The following AP1B1 variants were observed in gnomAD, a reference collection of about 807,000 sequenced individuals.
AP1B1 encodes the protein adaptor related protein complex 1 subunit beta 1.
Under a neutral mutation model 104.3 loss-of-function variants are expected in AP1B1, and 36 were observed. The ratio of observed to expected loss-of-function variants is 0.35; its 90% CI spans 0.26 to 0.46. The LOEUF (loss-of-function observed/expected upper bound fraction) is 0.46, where lower values mean the gene tolerates loss of function less well. AP1B1 is among the 20% of genes least tolerant of loss of function. The pLI is 1.00. For missense variants in AP1B1, 901 were observed against 1,247.9 expected (o/e 0.72, Z 4.19); for synonymous variants, 504 against 517.5 (o/e 0.97, Z 0.35).
intron 1 of AP1B1, among the ~76,000 whole-genome samples, chr22:29,372,028 CTCTTAA>C (rs930971063): frequency 2.0e-5 from 3 of 152,182 alleles, no homozygotes; most frequent in Non-Finnish European, 2.9e-5. Flanking sequence ...TGGCTGTCCT[CTCTTAA>C]TCTTAATATT....
rs565181511 is a variant in AP1B1, at chr22:29,349,411, G to A, written c.1272-28C>T. The A allele has an allele frequency of 1.6e-4, 250 of 1,610,150 alleles. 7 individuals are homozygous for A. The South Asian group carries it at 2.6e-3, about 16-fold the overall frequency. On this transcript the variant is annotated intron_variant, in intron 10 of 22. Coordinates refer to ENST00000357586, the MANE Select transcript of AP1B1 (RefSeq NM_001127.4). ...GGGAGACCAGGGCACAGTTGGTATG[G>A]GAGCCCTCAAGGAGAACGGGAAACC...
chr22:29,355,003 AGGTG>A (rs1373261772), intron 6 of AP1B1, 132 bp from the exon 7 acceptor site: 6 of 728,952 alleles, frequency 8.2e-6, no homozygotes, highest in Non-Finnish European at 1.3e-5. Flanking sequence ...TGGGAGGCCG[AGGTG>A]GGTGGATCAC....
intron 1 of AP1B1, among the ~76,000 whole-genome samples, chr22:29,387,164 AAGGT>A (rs1452288508): frequency 6.6e-6 from 1 of 152,212 alleles, no homozygotes; most frequent in Non-Finnish European, 1.5e-5. Flanking sequence ...CTTGCCCTGA[AAGGT>A]ATCACTAATA....
At chr22:29,350,364 G>A (rs896765410) in intron 9 of AP1B1, among the ~76,000 whole-genome samples, 2 of 152,196 alleles carry the variant, frequency 1.3e-5, no homozygotes, top group African/African-American at 4.8e-5. Context: ...ATGAGACTGA[G>A]GAGAAGCCAG....
chr22:29,380,024 C>A (rs952468396), intron 1 of AP1B1, among the ~76,000 whole-genome samples: 1 of 152,154 alleles, frequency 6.6e-6, no homozygotes, highest in Non-Finnish European at 1.5e-5. Context: ...AAGGAGCAGA[C>A]GAGGCTAGGG....
At chr22:29,387,854 C>G (rs1350349743) in intron 1 of AP1B1, among the ~76,000 whole-genome samples, 2 of 152,156 alleles carry the variant, frequency 1.3e-5, no homozygotes, top group Non-Finnish European at 2.9e-5. Context: ...GCACAGTGCC[C>G]GGTACACAGA....
chr22:29,338,935 G>A (rs1354824104), intron 16 of AP1B1, 55 bp downstream of exon 16: 8 of 1,605,026 alleles, frequency 5.0e-6, no homozygotes, highest in Non-Finnish European at 6.8e-6. Flanking sequence ...GAGCCCACAT[G>A]CCAGTCTCCA....
At chr22:29,347,052 G>A (rs1384562307) in intron 11 of AP1B1, among the ~76,000 whole-genome samples, 2 of 152,162 alleles carry the variant, frequency 1.3e-5, no homozygotes, top group Non-Finnish European at 2.9e-5. Flanking sequence ...GAGGGGAGGG[G>A]AAAAACTCTT....
intron 14 of AP1B1, 73 bp downstream of exon 14, chr22:29,340,583 C>A: frequency 7.0e-7 from 1 of 1,430,086 alleles, no homozygotes; most frequent in South Asian, 1.4e-5. Flanking sequence ...TGGTGCCTGG[C>A]ATGGAGGGGC....
At chr22:29,377,734 C>T (rs2062368502) in intron 1 of AP1B1, among the ~76,000 whole-genome samples, 1 of 151,380 alleles carries the variant, frequency 6.6e-6, no homozygotes, top group Admixed American at 6.6e-5. Context: ...TCGCTTGAAC[C>T]TGGGAGGCGG....
Position 29,339,792 on chromosome 22 carries a change from C to G in AP1B1, c.1999-18G>C. 6.2e-7 allele frequency: 1 copy of G among 1,605,084 alleles called. No individual in the cohort carries two copies. The highest frequency in any genetic ancestry group is 8.5e-7 in the Non-Finnish European group (1 of 1,176,070). On this transcript the variant is annotated intron_variant, in intron 14 of 22. Transcript: ENST00000357586. ...TCCCCCATCTCCAAGCAGAAGCAGG[C>G]AGGTGAAGAGAACAGGCAGCCACAT...
At chr22:29,356,367 G>A in intron 6 of AP1B1, 59 bp downstream of exon 6, 1 of 1,528,068 alleles carries the variant, frequency 6.5e-7, no homozygotes, top group Non-Finnish European at 8.8e-7. Context: ...TGCCTGGTTG[G>A]AGCCCCTGAG....
intron 10 of AP1B1, among the ~76,000 whole-genome samples, 164 bp from the exon 11 acceptor site, chr22:29,349,547 TCTGTTGC>T (rs2061842108): frequency 6.6e-6 from 1 of 151,350 alleles, no homozygotes; most frequent in Non-Finnish European, 1.5e-5. Context: ...GGAGTTTCAC[TCTGTTGC>T]CCAGGCTGGT....
In AP1B1 at chr22:29,388,439, G is replaced by C. The variant is rs1267423259; in HGVS notation, c.-43C>G. On this transcript the variant is annotated 5_prime_UTR_variant, in exon 1 of 23. Transcript: ENST00000357586. ...GCTTCCTCACCCGCAGGTCCCAATA[G>C]CTCCCGGCGCCCCGGCTCGGTTCGG... 6.6e-6 allele frequency: 1 copy of C among 152,374 alleles called. No individual in the cohort carries two copies. 9.4% of individuals were successfully genotyped at this position (152,374 alleles called of 1,614,324 possible).
At chr22:29,331,941 G>C in intron 17 of AP1B1, 25 bp from the exon 18 acceptor site, 1 of 1,593,792 alleles carries the variant, frequency 6.3e-7, no homozygotes, top group Non-Finnish European at 8.5e-7. Context: ...GCCCCACAGG[G>C]ATGGCAGGGG....
chr22:29,383,735 C>T (rs1006892633), intron 1 of AP1B1, among the ~76,000 whole-genome samples: 3 of 150,490 alleles, frequency 2.0e-5, no homozygotes, highest in African/African-American at 7.3e-5. Flanking sequence ...ACTTTCAAAC[C>T]TACCACCTTC....
chr22:29,354,152 CAG>C (rs1339748447), intron 7 of AP1B1, among the ~76,000 whole-genome samples: 1 of 152,220 alleles, frequency 6.6e-6, no homozygotes, highest in Non-Finnish European at 1.5e-5. Context: ...GTTCCAACCT[CAG>C]AGAGTTTGAC....
rs538877179 is a variant in AP1B1 at position 29,335,515 on chromosome 22, T to A, written c.2164-1105A>T. 7.3e-5 allele frequency among the ~76,000 whole-genome samples: 11 copies of A among 151,284 alleles called. No individual in the cohort carries two copies. In the East Asian group the frequency reaches 1.4e-3, roughly 19 times the overall value. On this transcript the variant is annotated intron_variant, in intron 16 of 22. Transcript: ENST00000357586. ...CTCCATTTCTCTCCATCTCCAGAGGTGCCACCAGCATCTAAGCTGCCACCA... is the reference window on the plus strand; with the variant it reads ...CTCCATTTCTCTCCATCTCCAGAGGAGCCACCAGCATCTAAGCTGCCACCA...
chr22:29,354,916 G>A, intron 6 of AP1B1, 45 bp from the exon 7 acceptor site: 1 of 1,548,114 alleles, frequency 6.5e-7, no homozygotes, highest in Non-Finnish European at 8.9e-7. Context: ...AAGACAAGGG[G>A]AAACATTCTG....
Sources: gnomAD v4.1 joint callset for allele counts (sites outside exome capture counted in the v4.1 genomes callset) on GRCh38, gnomAD v4.1.1 for gene constraint, MANE v1.5 for transcripts, NCBI Gene and HGNC (gene_info 2026-07-23, HGNC 2026-07-21) for gene names.